The following TBX20 variants were observed in gnomAD, a reference collection of about 807,000 sequenced individuals.
TBX20 encodes the protein T-box transcription factor TBX20.
TBX20 carries 8 observed loss-of-function variants against 42.9 expected under a neutral mutation model. That is an observed-to-expected ratio of 0.19 (90% CI 0.11 to 0.34). TBX20 has a LOEUF of 0.34. Among genes scored for constraint, TBX20 ranks in the 10% least tolerant of loss-of-function variants. The probability of loss-of-function intolerance (pLI) is 1.00; values close to 1 mark genes in which losing one functional copy is unlikely to be tolerated. For missense variants in TBX20, 411 were observed against 566.0 expected, an observed-to-expected ratio of 0.73 and a Z score of 2.78; for synonymous variants, 198 against 222.8, an observed-to-expected ratio of 0.89 and a Z score of 0.99.
chr7:35,233,370 T>TC (rs1789904267), intron 5 of TBX20, among the ~76,000 whole-genome samples: 1 of 152,234 alleles, frequency 6.6e-6, no homozygotes, highest in South Asian at 2.1e-4. Flanking sequence ...CCATGAACAT[T>TC]CACTGCTGAG....
intron 6 of TBX20, among the ~76,000 whole-genome samples, chr7:35,225,639 C>T (rs1789756980): frequency 6.6e-6 from 1 of 152,186 alleles, no homozygotes; most frequent in African/African-American, 2.4e-5. Flanking sequence ...AGAGGACAAA[C>T]ATATTACATA....
chr7:35,230,796 G>T (rs1353297318), intron 6 of TBX20, among the ~76,000 whole-genome samples: 4 of 152,138 alleles, frequency 2.6e-5, no homozygotes. Context: ...AAGAATTAGT[G>T]TGTTTAAGAA....
chr7:35,224,142 T>C (rs1458908861), intron 6 of TBX20, among the ~76,000 whole-genome samples: 2 of 152,198 alleles, frequency 1.3e-5, no homozygotes, highest in Admixed American at 6.5e-5. Context: ...CAGGTGAATT[T>C]ATGGACAAGA....
At chr7:35,253,443 G>A (rs1392665747) in intron 1 of TBX20, 51 bp downstream of exon 1, 1 of 1,581,184 alleles carries the variant, frequency 6.3e-7, no homozygotes, top group Non-Finnish European at 8.6e-7. Context: ...GGGCACAGAC[G>A]GATGCGCAGC....
At chr7:35,221,350 A>G (rs1349400602) in intron 6 of TBX20, among the ~76,000 whole-genome samples, 1 of 151,590 alleles carries the variant, frequency 6.6e-6, no homozygotes, top group African/African-American at 2.4e-5. Flanking sequence ...AATTTTCCTG[A>G]GCTCAATTAA....
At chr7:35,247,673 C>T (rs1790219968) in intron 3 of TBX20, among the ~76,000 whole-genome samples, 1 of 152,108 alleles carries the variant, frequency 6.6e-6, no homozygotes. Flanking sequence ...GTTCCCAAAT[C>T]TGTACATTTA....
intron 4 of TBX20, 60 bp from the exon 5 acceptor site, chr7:35,241,097 A>C: frequency 6.7e-7 from 1 of 1,496,446 alleles, no homozygotes; most frequent in South Asian, 1.1e-5. Flanking sequence ...AACAGGCCAA[A>C]TTACAGTGAG....
chr7:35,244,818 C>T (rs1584357173), intron 4 of TBX20, 131 bp downstream of exon 4: 2 of 698,372 alleles, frequency 2.9e-6, no homozygotes, highest in East Asian at 5.6e-5. Context: ...TAAATGTTCC[C>T]ATAAAATGAC....
At chr7:35,218,621 ATAAT>A (rs1789629480) in intron 6 of TBX20, among the ~76,000 whole-genome samples, 1 of 152,344 alleles carries the variant, frequency 6.6e-6, no homozygotes, top group African/African-American at 2.4e-5. Flanking sequence ...GCACATACTA[ATAAT>A]TAAAGTTATT....
At chr7:35,213,673 T>C (rs1584342362) in intron 6 of TBX20, among the ~76,000 whole-genome samples, 2 of 151,994 alleles carry the variant, frequency 1.3e-5, no homozygotes, top group East Asian at 1.9e-4. Context: ...GGAAATATCA[T>C]GGGCTTTAAT....
intron 5 of TBX20, among the ~76,000 whole-genome samples, chr7:35,231,942 AG>A (rs1415147837): frequency 6.6e-6 from 1 of 152,230 alleles, no homozygotes; most frequent in African/African-American, 2.4e-5. Context: ...CCTAAATGGG[AG>A]AATTATGCAG....
chr7:35,213,274 A>C (rs1008110154), intron 6 of TBX20, among the ~76,000 whole-genome samples: 5 of 152,204 alleles, frequency 3.3e-5, no homozygotes, highest in African/African-American at 1.2e-4. Flanking sequence ...CTCCAGGGGA[A>C]CTTCTAAAAA....
intron 6 of TBX20, among the ~76,000 whole-genome samples, chr7:35,216,648 G>A (rs1374083535): frequency 6.6e-6 from 1 of 152,160 alleles, no homozygotes; most frequent in African/African-American, 2.4e-5. Context: ...CATTTTAGAT[G>A]AAACTGAGAC....
chr7:35,205,952 T>C (rs750653393), intron 6 of TBX20, among the ~76,000 whole-genome samples: 2 of 152,274 alleles, frequency 1.3e-5, no homozygotes, highest in Non-Finnish European at 1.5e-5. Flanking sequence ...TTTCAAGATA[T>C]AGTAAGTGAA....
intron 5 of TBX20, among the ~76,000 whole-genome samples, chr7:35,240,486 C>T (rs1372305989): frequency 6.6e-6 from 1 of 152,104 alleles, no homozygotes; most frequent in Non-Finnish European, 1.5e-5. Flanking sequence ...GCAGTTTGGG[C>T]AGTTGGATAG....
At chr7:35,252,376 A>G (rs1366413095) in intron 1 of TBX20, among the ~76,000 whole-genome samples, 2 of 132,194 alleles carry the variant, frequency 1.5e-5, no homozygotes, top group Non-Finnish European at 3.4e-5. Context: ...AACTTAGAGG[A>G]CAGATTTTTT....
chr7:35,253,714 G>A lies in TBX20; in HGVS notation c.-94C>T. 6.6e-7 allele frequency: 1 copy of A among 1,521,932 alleles called. No individual in the cohort carries two copies. The highest frequency in any genetic ancestry group is 8.8e-7 in the Non-Finnish European group (1 of 1,133,458). 94.3% of individuals were successfully genotyped at this position (1,521,932 alleles called of 1,614,324 possible). A position where few individuals can be genotyped will look rare whatever the true frequency, so the allele number is the denominator to read the frequency against. On this transcript the variant is annotated 5_prime_UTR_variant, in exon 1 of 8. Transcript: ENST00000408931. ...ACAAAGACCCGAAACACAGCTCAAA[G>A]TTTCCGAGAGCAGTCACAGCGGGGC...
At chr7:35,241,154 T>C (rs1449236004) in intron 4 of TBX20, 117 bp from the exon 5 acceptor site, 1 of 827,386 alleles carries the variant, frequency 1.2e-6, no homozygotes, top group Non-Finnish European at 2.0e-6. Context: ...AATTTTAAGA[T>C]ATGGATCTAC....
At chr7:35,248,972 C>T (rs1237092974) in intron 2 of TBX20, 131 bp from the exon 3 acceptor site, 17 of 1,061,796 alleles carry the variant, frequency 1.6e-5, no homozygotes, top group Non-Finnish European at 2.4e-5. Context: ...GGTCCACAAA[C>T]CCCTCTTTTG....
Sources: gnomAD v4.1 joint callset for allele counts (sites outside exome capture counted in the v4.1 genomes callset) on GRCh38, gnomAD v4.1.1 for gene constraint, MANE v1.5 for transcripts, NCBI Gene and HGNC (gene_info 2026-07-23, HGNC 2026-07-21) for gene names.